Variants in ATP11A observed in about 807,000 individuals in gnomAD.
ATP11A encodes ATPase phospholipid transporting 11A.
ATP11A carries 81 observed loss-of-function variants against 154.4 expected under a neutral mutation model. The ratio of observed to expected loss-of-function variants is 0.52; its 90% CI spans 0.44 to 0.63. The LOEUF (loss-of-function observed/expected upper bound fraction) is 0.63. Among genes scored for constraint, ATP11A ranks in the 30% least tolerant of loss-of-function variants. The pLI is 0.00. For synonymous variants in ATP11A, 623 were observed against 585.9 expected, an observed-to-expected ratio of 1.06 and a Z score of -0.91; for missense variants, 1,316 against 1,474.3, an observed-to-expected ratio of 0.89 and a Z score of 1.76.
chr13:112,712,439 CCAAGCT>C (rs979025818), intron 1 of ATP11A, among the ~76,000 whole-genome samples: 2 of 152,208 alleles, frequency 1.3e-5, no homozygotes, highest in African/African-American at 4.8e-5. Flanking sequence ...CAGCCTTTAT[CCAAGCT>C]CACTGGGCCC....
At chr13:112,829,669 TA>T (rs2079036921) in intron 12 of ATP11A, among the ~76,000 whole-genome samples, 1 of 152,208 alleles carries the variant, frequency 6.6e-6, no homozygotes, top group Non-Finnish European at 1.5e-5. Flanking sequence ...TCACCCCTTC[TA>T]TTTAGCATAG....
chr13:112,794,286 A>G (rs1007569222), intron 2 of ATP11A, among the ~76,000 whole-genome samples: 6 of 152,158 alleles, frequency 3.9e-5, no homozygotes, highest in African/African-American at 7.2e-5. Context: ...TTACAATTCA[A>G]CAACGATGAG....
chr13:112,866,506 C>T (rs7321764), intron 25 of ATP11A, among the ~76,000 whole-genome samples: 50,711 of 150,118 alleles, frequency 0.34, 9,203 homozygotes, highest in Middle Eastern at 0.45. Flanking sequence ...GGGCCCTGTG[C>T]TTCCTGAGAG....
chr13:112,857,752 A>C (rs1394746745), intron 20 of ATP11A, 66 bp from the exon 21 acceptor site: 13 of 1,268,470 alleles, frequency 1.0e-5, no homozygotes, highest in Non-Finnish European at 1.4e-5. Context: ...ATTTCTGCCT[A>C]GTGAATGAAT....
At chr13:112,823,824 T>C (rs1202067406) in intron 9 of ATP11A, among the ~76,000 whole-genome samples, 12 of 152,218 alleles carry the variant, frequency 7.9e-5, no homozygotes, top group Non-Finnish European at 1.3e-4. Context: ...CAGGTGTTCC[T>C]CAGTGTCCTT....
Position 112,819,292 on chromosome 13 carries a change from G to C in ATP11A, c.571-12G>C. On this transcript the variant is annotated splice_polypyrimidine_tract_variant and intron_variant, in intron 6 of 29. Transcript: ENST00000375645. ...TTTTGGCGGTGAGCTCACATGTCTT[G>C]TGCATTTGTAGACGCATTACGCGGT... 6.2e-7 allele frequency: 1 copy of C among 1,613,538 alleles called. No homozygotes were observed. Among genetic ancestry groups the C allele is most frequent in the Admixed American group, 1.7e-5 (1 of 60,002 alleles).
intron 1 of ATP11A, among the ~76,000 whole-genome samples, chr13:112,784,103 GCTA>G (rs2077563566): frequency 6.6e-6 from 1 of 152,240 alleles, no homozygotes; most frequent in African/African-American, 2.4e-5. Flanking sequence ...CATTGAAGAG[GCTA>G]CAGCTCCCTG....
intron 1 of ATP11A, among the ~76,000 whole-genome samples, chr13:112,773,649 T>C (rs932367160): frequency 6.6e-6 from 1 of 152,200 alleles, no homozygotes; most frequent in African/African-American, 2.4e-5. Context: ...CTTTTTCCTG[T>C]GCTCTTTTGG....
chr13:112,826,867 G>A lies in ATP11A; in HGVS notation c.1197G>A (p.Ser399=), dbSNP rs749082726. 24 of 1,614,022 alleles carry A rather than the reference G, an allele frequency of 1.5e-5. No individual in the cohort carries two copies. The highest frequency in any genetic ancestry group is 4.0e-5 in the African/African-American group (3 of 74,902). Residue 399 remains serine, a synonymous_variant, in exon 12 of 30, where the codon TCG becomes TCA. Coordinates refer to ENST00000375645, the MANE Select transcript of ATP11A (RefSeq NM_015205.3). The part of the protein sequence containing the change: ...ETGEGPLVNT[S]DLNEELGQVE... ...GCGAGGGGCCTCTGGTGAACACGTC[G>A]GACCTCAATGAAGAGCTGGGACAGG...
Position 112,859,185 on chromosome 13 carries a change from G to A in ATP11A, c.2668-208G>A, listed in dbSNP as rs968643609. On this transcript the variant is annotated intron_variant, in intron 22 of 29. Transcript: ENST00000375645. This position sits in a 1 kb window ranked among gnomAD's most constrained non-coding sequence, Gnocchi z 4.3. ...AGCTGACAAATTTCCTCTATACGTT[G>A]TCTGTCCTGAGTGGCCAAAACGTGG... The A allele has an allele frequency of 5.2e-6, 3 of 578,814 alleles. No individual in the cohort carries two copies. The highest frequency in any genetic ancestry group is 1.9e-5 in the African/African-American group (1 of 53,424). 35.9% of individuals were successfully genotyped at this position (578,814 alleles called of 1,614,324 possible). A position where few individuals can be genotyped will look rare whatever the true frequency, so the allele number is the denominator to read the frequency against.
At chr13:112,851,273 G>A (rs777100683) in intron 18 of ATP11A, 55 bp downstream of exon 18, 6 of 1,564,286 alleles carry the variant, frequency 3.8e-6, no homozygotes, top group African/African-American at 1.4e-5. Flanking sequence ...GCAGGCCGAC[G>A]GCCCAGGGCG....
chr13:112,835,488 G>A (rs542366035), intron 15 of ATP11A, among the ~76,000 whole-genome samples: 2 of 152,332 alleles, frequency 1.3e-5, no homozygotes, highest in Non-Finnish European at 2.9e-5. Context: ...GCTTCCCGGG[G>A]GCCGCAACTC....
chr13:112,740,146 CTCTATATA>C (rs58084567), intron 1 of ATP11A, among the ~76,000 whole-genome samples: 2,352 of 112,500 alleles, frequency 0.021, 45 homozygotes, highest in African/African-American at 0.074. Context: ...CTCTCTCTCT[CTCTATATA>C]TATATATATA....
chr13:112,780,727 G>A lies in ATP11A; in HGVS notation c.40-4408G>A, dbSNP rs377421338. On this transcript the variant is annotated intron_variant, in intron 1 of 29. Coordinates refer to ENST00000375645, the MANE Select transcript of ATP11A (RefSeq NM_015205.3). ...TTGATGCCAGCCCTCCAGGGGACTT[G>A]CCACGTGGCTTTCTCGATGCAGTTT... Among the ~76,000 whole-genome samples, 25 of 152,282 alleles carry A rather than the reference G, an allele frequency of 1.6e-4. No homozygotes were observed. The East Asian group carries it at 3.7e-3, about 22-fold the overall frequency.
chr13:112,847,474 A>G lies in ATP11A; in HGVS notation c.1810-3563A>G, dbSNP rs536733819. On this transcript the variant is annotated intron_variant, in intron 17 of 29. Transcript: ENST00000375645. ...TGAGGGTCCTACTTTATTTCCCTGC[A>G]TGCAGTTATCCAGTTTTCCCAGCAC... 7.0e-4 allele frequency among the ~76,000 whole-genome samples: 106 copies of G among 152,292 alleles called. 1 individual carries two copies. Among genetic ancestry groups the G allele is most frequent in the African/African-American group, 2.5e-3 (103 of 41,574 alleles).
intron 1 of ATP11A, among the ~76,000 whole-genome samples, chr13:112,731,937 C>CCG (rs71208908): frequency 2.2e-3 from 183 of 83,150 alleles, no homozygotes; most frequent in Non-Finnish European, 3.8e-3. Context: ...GAAATGGGGG[C>CCG]GGGGGGGGGC....
chr13:112,721,300 CTGTT>C (rs1360787511), intron 1 of ATP11A, among the ~76,000 whole-genome samples: 1 of 152,186 alleles, frequency 6.6e-6, no homozygotes, highest in African/African-American at 2.4e-5. Flanking sequence ...GTCAAGAAAA[CTGTT>C]TGTTTTGGTC....
chr13:112,702,434 TG>T (rs1294103898), intron 1 of ATP11A, among the ~76,000 whole-genome samples: 3 of 151,072 alleles, frequency 2.0e-5, no homozygotes, highest in African/African-American at 7.3e-5. Context: ...CGTGTTCCAG[TG>T]GGAAGCAGAG....
intron 1 of ATP11A, among the ~76,000 whole-genome samples, chr13:112,762,839 G>T (rs528039795): frequency 6.6e-6 from 1 of 152,216 alleles, no homozygotes; most frequent in Non-Finnish European, 1.5e-5. Context: ...CGTGGAGGCC[G>T]GGGCACTCAG....
Sources: allele counts gnomAD v4.1 joint callset (sites outside exome capture counted in the v4.1 genomes callset), GRCh38; gene constraint gnomAD v4.1.1; non-coding constraint Gnocchi (gnomAD v3.1); transcripts MANE v1.5; gene names NCBI Gene and HGNC (gene_info 2026-07-23, HGNC 2026-07-21).